NRG1: variants seen among roughly 807,000 people sequenced by gnomAD.
NRG1 encodes pro-neuregulin-1, membrane-bound isoform.
NRG1 carries 18 observed loss-of-function variants against 63.8 expected under a neutral mutation model. That is an observed-to-expected ratio of 0.28 (90% confidence interval 0.19 to 0.42). The LOEUF is 0.42. Among genes scored for constraint, NRG1 ranks in the 10% least tolerant of loss-of-function variants. NRG1 has a pLI of 1.00. For missense variants in NRG1, 762 were observed against 814.7 expected (o/e 0.94, Z 0.79); for synonymous variants, 302 against 301.3 (o/e 1.00, Z -0.02).
chr8:31,997,486 A>G (rs1292436030), intron 1 of NRG1, among the ~76,000 whole-genome samples: 6 of 152,040 alleles, frequency 3.9e-5, no homozygotes. Context: ...ATTATATTTC[A>G]TAAAGCTCTT....
intron 1 of NRG1, among the ~76,000 whole-genome samples, chr8:32,071,980 T>G (rs1825815777): frequency 6.6e-6 from 1 of 152,162 alleles, no homozygotes; most frequent in African/African-American, 2.4e-5. Flanking sequence ...ATAAGGTTCT[T>G]TAAGGGTAAA....
At chr8:32,258,828 T>C (rs1039069407) in intron 1 of NRG1, among the ~76,000 whole-genome samples, 16 of 152,094 alleles carry the variant, frequency 1.1e-4, no homozygotes, top group African/African-American at 3.6e-4. Context: ...AGCCAAAACA[T>C]ATCAGGTACA....
rs1326289797 is a variant in NRG1, at chr8:32,483,446, C to T, written c.38-112382C>T. 3.9e-5 allele frequency among the ~76,000 whole-genome samples: 6 copies of T among 152,334 alleles called. No homozygotes were observed. The East Asian group carries it at 9.6e-4, about 24-fold the overall frequency. ...CATCTCCGGCTTTTCCTTCTCCCCC[C>T]ATGAAAGTTATGCATTTAGTTGCCT... On this transcript the variant is annotated intron_variant, in intron 1 of 10. Transcript: ENST00000519301.
intron 1 of NRG1, among the ~76,000 whole-genome samples, chr8:31,949,455 A>G (rs1032078951): frequency 6.6e-6 from 1 of 152,172 alleles, no homozygotes; most frequent in Non-Finnish European, 1.5e-5. Context: ...AAACAGGGTC[A>G]TCAATTCCTC....
chr8:32,737,557 T>TA (rs113862311), intron 6 of NRG1, among the ~76,000 whole-genome samples: 7 of 145,894 alleles, frequency 4.8e-5, no homozygotes, highest in East Asian at 2.0e-4. Context: ...TCTCAAAAAA[T>TA]AAAAAAAAAA....
At chr8:32,465,124 G>T (rs1166426154) in intron 1 of NRG1, among the ~76,000 whole-genome samples, 1 of 152,164 alleles carries the variant, frequency 6.6e-6, no homozygotes, top group African/African-American at 2.4e-5. Context: ...GCAGTCTTTA[G>T]CATGGGTGAC....
At chr8:31,639,756 T>C in intron 1 of NRG1, 3 of 1,367,022 alleles carry the variant, frequency 2.2e-6, no homozygotes, top group Non-Finnish European at 2.8e-6. Context: ...TTGCCTTTTT[T>C]TTTTTTGCCC....
At chr8:31,990,322 G>C (rs939055035) in intron 1 of NRG1, among the ~76,000 whole-genome samples, 7 of 152,034 alleles carry the variant, frequency 4.6e-5, no homozygotes, top group Non-Finnish European at 8.8e-5. Flanking sequence ...CCAAATAGTT[G>C]TTATGTACCC....
intron 1 of NRG1, among the ~76,000 whole-genome samples, chr8:31,914,450 A>G (rs1833212773): frequency 6.6e-6 from 1 of 151,338 alleles, no homozygotes; most frequent in South Asian, 2.1e-4. Context: ...GAGTGTCAAC[A>G]TTTGAGAAAA....
intron 5 of NRG1, among the ~76,000 whole-genome samples, chr8:32,656,919 A>T (rs2128865327): frequency 6.6e-6 from 1 of 152,202 alleles, no homozygotes; most frequent in East Asian, 1.9e-4. Context: ...TGTGATTTTC[A>T]GTGATAGGCA....
intron 1 of NRG1, among the ~76,000 whole-genome samples, chr8:32,204,478 T>C (rs377601108): frequency 2.6e-5 from 4 of 152,332 alleles, no homozygotes; most frequent in East Asian, 3.9e-4. Context: ...AGTCACATAC[T>C]AGTCAGAGGA....
In NRG1 at chr8:32,412,441, T is replaced by C. The variant is rs1464232568; in HGVS notation, c.38-183387T>C. 3.6e-3 allele frequency among the ~76,000 whole-genome samples: 179 copies of C among 49,648 alleles called. 6 individuals are homozygous for C. Among genetic ancestry groups the C allele is most frequent in the Non-Finnish European group, 7.5e-3 (153 of 20,296 alleles). The allele number at this position is 49,648 out of a possible 152,430, so 32.6% of individuals were successfully genotyped here. On this transcript the variant is annotated intron_variant, in intron 1 of 10. Transcript: ENST00000519301. ...CTCTCTACATATATATATATATATA[T>C]ATATATATATACATATATATATATA...
intron 1 of NRG1, among the ~76,000 whole-genome samples, chr8:32,336,048 G>A (rs1005685211): frequency 1.3e-5 from 2 of 152,070 alleles, no homozygotes; most frequent in African/African-American, 2.4e-5. Flanking sequence ...CCCAAAGGAC[G>A]CTATTACTAA....
Position 32,716,995 on chromosome 8 carries a change from T to C in NRG1, c.503-10954T>C, listed in dbSNP as rs139866001. On this transcript the variant is annotated intron_variant, in intron 5 of 11. Coordinates refer to ENST00000356819, the Ensembl canonical transcript of NRG1. ...CCAACAGTAGAAAAACAGGTGCTTG[T>C]TATGTTTGAGTGTGGAGCCCCAAAA... 2.8e-4 allele frequency among the ~76,000 whole-genome samples: 43 copies of C among 152,228 alleles called. No individual in the cohort carries two copies. In the East Asian group the frequency reaches 7.9e-3, roughly 28 times the overall value.
rs10689849 is a variant in NRG1 at position 32,482,398 on chromosome 8, TTGTGTG to T, written c.38-113408_38-113403del. On this transcript the variant is annotated intron_variant, in intron 1 of 10. Transcript: ENST00000519301. The stretch of plus-strand genomic sequence containing the variant: ...GGGGTTGTTTTCTTTCTTTCTACTT[TTGTGTG>T]TGTGTGTGTGTGTGTGTGTGTTCTC... 6.1e-4 allele frequency among the ~76,000 whole-genome samples: 90 copies of T among 148,296 alleles called. 1 individual carries two copies. The highest frequency in any genetic ancestry group is 1.9e-3 in the South Asian group (9 of 4,666).
chr8:31,722,871 T>C (rs1025162878), intron 1 of NRG1, among the ~76,000 whole-genome samples: 1 of 152,184 alleles, frequency 6.6e-6, no homozygotes, highest in Non-Finnish European at 1.5e-5. Flanking sequence ...GTTAATGTGA[T>C]GCTGCTAAGC....
At chr8:32,105,744 G>A (rs1831180102) in intron 1 of NRG1, among the ~76,000 whole-genome samples, 1 of 152,124 alleles carries the variant, frequency 6.6e-6, no homozygotes, top group Admixed American at 6.6e-5. Context: ...TGACTTAGGA[G>A]TATATTATAA....
intron 1 of NRG1, among the ~76,000 whole-genome samples, chr8:31,963,003 T>A (rs1805719677): frequency 6.6e-6 from 1 of 152,192 alleles, no homozygotes; most frequent in Non-Finnish European, 1.5e-5. Flanking sequence ...CCAGAAATGA[T>A]TTAAAAGTGA....
intron 1 of NRG1, among the ~76,000 whole-genome samples, chr8:32,460,178 G>A (rs746547184): frequency 7.2e-5 from 11 of 152,190 alleles, no homozygotes; most frequent in African/African-American, 2.4e-5. Flanking sequence ...ACATAAGAGT[G>A]AATGAATGAA....
Sources: allele counts gnomAD v4.1 joint callset (sites outside exome capture counted in the v4.1 genomes callset), GRCh38; gene constraint gnomAD v4.1.1; transcripts MANE v1.5; gene names NCBI Gene and HGNC (gene_info 2026-07-23, HGNC 2026-07-21).